The following WDPCP variants were observed in gnomAD, a reference collection of about 807,000 sequenced individuals.
WDPCP encodes the protein WD repeat containing planar cell polarity effector.
Under a neutral mutation model 93.1 loss-of-function variants are expected in WDPCP, and 71 were observed. The observed-to-expected ratio is 0.76, with a 90% CI of 0.63 to 0.93. The LOEUF (loss-of-function observed/expected upper bound fraction) is 0.93, where lower values mean the gene tolerates loss of function less well. Ranked by LOEUF, WDPCP falls within the 40% of genes least tolerant of loss-of-function variation. The probability of loss-of-function intolerance (pLI) is 0.00; values close to 1 mark genes in which losing one functional copy is unlikely to be tolerated. For missense variants in WDPCP, 844 were observed against 887.4 expected, an observed-to-expected ratio of 0.95 and a Z score of 0.62; for synonymous variants, 315 against 315.0, an observed-to-expected ratio of 1.00 and a Z score of 0.00.
At chr2:63,765,183 G>A (rs1670118726) in intron 2 of WDPCP, among the ~76,000 whole-genome samples, 2 of 152,186 alleles carry the variant, frequency 1.3e-5, no homozygotes, top group African/African-American at 2.4e-5. Flanking sequence ...CTAGGCAACG[G>A]CAGTGTTTAA....
At chr2:63,561,755 C>G (rs1706647189) in intron 1 of WDPCP, among the ~76,000 whole-genome samples, 1 of 152,122 alleles carries the variant, frequency 6.6e-6, no homozygotes, top group Non-Finnish European at 1.5e-5. Flanking sequence ...ATGCAGCCAA[C>G]AAACATGTGA....
chr2:63,460,840 A>C (rs547857988), intron 6 of WDPCP, among the ~76,000 whole-genome samples: 4 of 151,290 alleles, frequency 2.6e-5, no homozygotes, highest in Non-Finnish European at 5.9e-5. Context: ...GTTAGCCAGG[A>C]TGGTCTTCAT....
chr2:63,677,035 C>G (rs1558881825), intron 2 of WDPCP, among the ~76,000 whole-genome samples: 1 of 152,064 alleles, frequency 6.6e-6, no homozygotes, highest in Non-Finnish European at 1.5e-5. Context: ...AACTACTCCC[C>G]CACAAAAAAT....
At chr2:63,621,223 T>G (rs1709732760) in intron 3 of WDPCP, among the ~76,000 whole-genome samples, 1 of 151,712 alleles carries the variant, frequency 6.6e-6, no homozygotes, top group South Asian at 2.1e-4. Context: ...AATAACAAAC[T>G]CCTCTGAGCT....
chr2:63,812,970 A>T (rs1382479540), intron 2 of WDPCP, among the ~76,000 whole-genome samples: 1 of 151,598 alleles, frequency 6.6e-6, no homozygotes, highest in African/African-American at 2.4e-5. Flanking sequence ...CTCCCACATC[A>T]GCCTCCTGAG....
intron 14 of WDPCP, among the ~76,000 whole-genome samples, chr2:63,202,267 T>C (rs1675970831): frequency 6.6e-6 from 1 of 152,102 alleles, no homozygotes; most frequent in Admixed American, 6.5e-5. Flanking sequence ...CTTTTGATTG[T>C]ATTTTGTTAA....
rs1710297456 is a variant in WDPCP, at chr2:63,667,493, C to T, written n.309-16655G>A. Among the ~76,000 whole-genome samples, 3 of 152,110 alleles carry T rather than the reference C, an allele frequency of 2.0e-5. No individual in the cohort carries two copies. The South Asian group carries it at 6.2e-4, about 32-fold the overall frequency. ...TGTGGATTTGGTTGTTTTGTTGTTG[C>T]CAGTTTTTGTTTGTTCAGTTTTTTT... On this transcript the variant is annotated intron_variant and non_coding_transcript_variant, in intron 2 of 4. Transcript: ENST00000467687.
intron 17 of WDPCP, among the ~76,000 whole-genome samples, chr2:63,144,413 G>C (rs1671326346): frequency 6.6e-6 from 1 of 151,788 alleles, no homozygotes; most frequent in Admixed American, 6.6e-5. Context: ...TTGTATTTTT[G>C]TCCAGCTAAT....
chr2:63,367,458 G>C (rs1292915510), intron 12 of WDPCP, among the ~76,000 whole-genome samples: 2 of 152,030 alleles, frequency 1.3e-5, no homozygotes, highest in Admixed American at 6.6e-5. Flanking sequence ...GAAATAATCA[G>C]ATAAATGTAC....
chr2:63,649,107 A>G (rs1710082523), intron 3 of WDPCP, among the ~76,000 whole-genome samples: 1 of 152,296 alleles, frequency 6.6e-6, no homozygotes, highest in East Asian at 1.9e-4. Context: ...GTGAGCAACT[A>G]TCATCACTAC....
At chr2:63,427,272 C>A (rs1201807056) in intron 9 of WDPCP, among the ~76,000 whole-genome samples, 1 of 152,130 alleles carries the variant, frequency 6.6e-6, no homozygotes, top group Non-Finnish European at 1.5e-5. Flanking sequence ...CACCCAACAA[C>A]CACAGAACAT....
At chr2:63,132,343 G>T (rs1029439777) in intron 17 of WDPCP, among the ~76,000 whole-genome samples, 1 of 151,452 alleles carries the variant, frequency 6.6e-6, no homozygotes, top group Non-Finnish European at 1.5e-5. Context: ...ATTATACTTA[G>T]AATTTGTTGA....
At chr2:63,423,968 T>C (rs551426388) in intron 9 of WDPCP, among the ~76,000 whole-genome samples, 4 of 151,384 alleles carry the variant, frequency 2.6e-5, no homozygotes, top group African/African-American at 9.7e-5. Flanking sequence ...TGACATTCAA[T>C]AGAGAGGGAT....
rs372823401 is a variant in WDPCP, at chr2:63,575,442, T to C, written c.75+12755A>G. Among the ~76,000 whole-genome samples, 149 of 84,942 alleles carry C rather than the reference T, an allele frequency of 1.8e-3. 22 individuals carry two copies. The highest frequency in any genetic ancestry group is 9.5e-3 in the Admixed American group (77 of 8,088). 55.7% of individuals were successfully genotyped at this position (84,942 alleles called of 152,430 possible). On this transcript the variant is annotated intron_variant, in intron 1 of 17. Transcript: ENST00000272321. Reference sequence around the variant, plus strand: ...CACTGTATACAGTGTATATACAGTGTATACACTGTATATACAGTATATATG... The same window carrying C: ...CACTGTATACAGTGTATATACAGTGCATACACTGTATATACAGTATATATG...
rs563715576 is a variant in WDPCP, at chr2:63,368,581, C to G, written c.1748+9805G>C. On this transcript the variant is annotated intron_variant, in intron 12 of 17. Coordinates refer to ENST00000272321, the MANE Select transcript of WDPCP (RefSeq NM_015910.7). ...CCTCAGGTGATCCACTCACCTTGGCCTCTCAAAGTGCTGGGATTATAGGCG... is the reference window on the plus strand; with the variant it reads ...CCTCAGGTGATCCACTCACCTTGGCGTCTCAAAGTGCTGGGATTATAGGCG... 1.4e-3 allele frequency among the ~76,000 whole-genome samples: 211 copies of G among 151,846 alleles called. 1 individual carries two copies. Among genetic ancestry groups the G allele is most frequent in the Non-Finnish European group, 2.6e-3 (175 of 67,954 alleles).
chr2:63,605,316 C>T (rs1558863858), intron 3 of WDPCP: 4 of 1,614,172 alleles, frequency 2.5e-6, no homozygotes, highest in Non-Finnish European at 3.4e-6. Flanking sequence ...CATCAAGGCT[C>T]GAAAACTATC....
At chr2:63,221,593 G>T (rs896342170) in intron 14 of WDPCP, among the ~76,000 whole-genome samples, 5 of 152,120 alleles carry the variant, frequency 3.3e-5, no homozygotes, top group Admixed American at 6.6e-5. Flanking sequence ...GACGTTGTGG[G>T]TCTTTGCTGG....
chr2:63,557,241 A>G (rs1706199702), intron 1 of WDPCP, among the ~76,000 whole-genome samples: 1 of 152,170 alleles, frequency 6.6e-6, no homozygotes, highest in South Asian at 2.1e-4. Context: ...CAAGACCCCA[A>G]CAGTGTGCTG....
rs115455845 is a variant in WDPCP, at chr2:63,622,920, G to A, written n.488+27739C>T. The A allele has an allele frequency of 8.0e-5, 87 of 1,086,514 alleles. No individual in the cohort carries two copies. In the African/African-American group the frequency reaches 8.6e-4, roughly 11 times the overall value. 67.3% of individuals were successfully genotyped at this position (1,086,514 alleles called of 1,614,324 possible). On this transcript the variant is annotated intron_variant and non_coding_transcript_variant, in intron 3 of 4. Coordinates refer to the WDPCP transcript ENST00000467687. ...CGGGGGCCGGGCCAGGCCGGGGCTC[G>A]GCGCACACCTGCTGCCAGGCTCGTA...
Sources: allele counts gnomAD v4.1 joint callset (sites outside exome capture counted in the v4.1 genomes callset), GRCh38; gene constraint gnomAD v4.1.1; transcripts MANE v1.5; gene names NCBI Gene and HGNC (gene_info 2026-07-23, HGNC 2026-07-21).